The following PTPRN2 variants were observed in gnomAD, a reference collection of about 807,000 sequenced individuals.
The protein encoded by PTPRN2 is protein tyrosine phosphatase receptor type N2.
PTPRN2 carries 74 observed loss-of-function variants against 118.8 expected under a neutral mutation model. That is an observed-to-expected ratio of 0.62 (90% confidence interval 0.52 to 0.76). The LOEUF is 0.76. Among genes scored for constraint, PTPRN2 ranks in the 30% least tolerant of loss-of-function variants. The pLI is 0.00. For missense variants in PTPRN2, 1,481 were observed against 1,394.4 expected (o/e 1.06, Z -0.99); for synonymous variants, 641 against 608.0 (o/e 1.05, Z -0.80).
At chr7:157,791,143 T>C (rs1804465411) in intron 12 of PTPRN2, among the ~76,000 whole-genome samples, 1 of 152,214 alleles carries the variant, frequency 6.6e-6, no homozygotes, top group African/African-American at 2.4e-5. Flanking sequence ...TGGCATCGCC[T>C]GCAACAGCAA....
intron 2 of PTPRN2, among the ~76,000 whole-genome samples, chr7:158,346,357 A>G (rs1035473848): frequency 6.6e-6 from 1 of 152,166 alleles, no homozygotes; most frequent in Non-Finnish European, 1.5e-5. Flanking sequence ...AATTGTTTTC[A>G]GTTCCACATA....
chr7:157,666,514 AAC>A (rs200330001), intron 13 of PTPRN2, among the ~76,000 whole-genome samples: 23 of 129,672 alleles, frequency 1.8e-4, no homozygotes, highest in African/African-American at 2.8e-4. Context: ...AAAAAAAAAA[AAC>A]CCCACAGTAG....
At chr7:157,661,697 G>A (rs935775251) in intron 13 of PTPRN2, among the ~76,000 whole-genome samples, 1 of 152,228 alleles carries the variant, frequency 6.6e-6, no homozygotes, top group Non-Finnish European at 1.5e-5. Context: ...GCCGGGTCCT[G>A]GGTGGAGGAG....
At chr7:158,273,169 G>A (rs551487235) in intron 3 of PTPRN2, among the ~76,000 whole-genome samples, 25 of 152,286 alleles carry the variant, frequency 1.6e-4, no homozygotes, top group Admixed American at 5.2e-4. Context: ...GAGTGAGCTC[G>A]CAGGGGAGGA....
intron 12 of PTPRN2, among the ~76,000 whole-genome samples, chr7:157,708,599 G>A (rs1378365678): frequency 6.6e-6 from 1 of 152,114 alleles, no homozygotes; most frequent in Admixed American, 6.5e-5. Context: ...TGTCTGAGAT[G>A]ACCAGAACCA....
chr7:158,383,484 G>A (rs1021372216), intron 2 of PTPRN2, among the ~76,000 whole-genome samples: 7 of 152,138 alleles, frequency 4.6e-5, no homozygotes, highest in Non-Finnish European at 1.0e-4. Flanking sequence ...AGTTTAAAGT[G>A]CAGAGTTTTG....
chr7:158,031,773 T>C (rs183569208), intron 11 of PTPRN2, among the ~76,000 whole-genome samples: 30 of 152,290 alleles, frequency 2.0e-4, no homozygotes, highest in Non-Finnish European at 3.5e-4. Flanking sequence ...AAGTGACAGA[T>C]AAAGTCAGAA....
intron 12 of PTPRN2, among the ~76,000 whole-genome samples, chr7:157,823,722 T>C (rs1165559367): frequency 2.0e-5 from 3 of 152,200 alleles, no homozygotes; most frequent in Non-Finnish European, 4.4e-5. Flanking sequence ...TAGCATTCCT[T>C]TGAACTCTTC....
intron 12 of PTPRN2, among the ~76,000 whole-genome samples, chr7:157,749,715 G>C (rs1458457332): frequency 2.8e-5 from 4 of 142,514 alleles, no homozygotes; most frequent in African/African-American, 8.0e-5. Context: ...CTGTGTCCCT[G>C]AGCTGTGAGC....
At position 157,558,887 on chromosome 7, in the gene PTPRN2, G is replaced by A. The variant is rs528098454; in HGVS notation, c.2903-9868C>T. On this transcript the variant is annotated intron_variant, in intron 21 of 22. Coordinates refer to ENST00000389418, the MANE Select transcript of PTPRN2 (RefSeq NM_002847.5). ...GCCAGTTACGCATTGACTCAGTTCC[G>A]TGGCTTACAGTGCAAACACAGAGAC... 3.3e-5 allele frequency among the ~76,000 whole-genome samples: 5 copies of A among 152,348 alleles called. 1 individual carries two copies. The South Asian group carries it at 8.3e-4, about 25-fold the overall frequency.
intron 12 of PTPRN2, among the ~76,000 whole-genome samples, chr7:157,750,954 C>T (rs185372401): frequency 2.5e-3 from 376 of 152,320 alleles, no homozygotes; most frequent in African/African-American, 8.7e-3. Flanking sequence ...GCTGGTAGGC[C>T]GTGGAACCTT....
At chr7:157,733,843 C>CTT (rs763852532) in intron 12 of PTPRN2, among the ~76,000 whole-genome samples, 8 of 38,736 alleles carry the variant, frequency 2.1e-4, no homozygotes, top group Admixed American at 4.6e-4. Flanking sequence ...CACAGTTACT[C>CTT]TTCCGTCCCA....
intron 11 of PTPRN2, among the ~76,000 whole-genome samples, chr7:157,952,975 C>T (rs952442490): frequency 1.8e-4 from 28 of 152,126 alleles, no homozygotes; most frequent in African/African-American, 4.6e-4. Flanking sequence ...GTGAAGGGGA[C>T]GGCCTCCATT....
At chr7:158,315,148 C>A (rs67394537) in intron 3 of PTPRN2, among the ~76,000 whole-genome samples, 4 of 47,964 alleles carry the variant, frequency 8.3e-5, no homozygotes, top group Admixed American at 2.0e-4. Flanking sequence ...AACCCGGGAC[C>A]CCCTGAAGGA....
chr7:158,327,469 G>T (rs556174580), intron 2 of PTPRN2, among the ~76,000 whole-genome samples: 1 of 131,704 alleles, frequency 7.6e-6, no homozygotes, highest in African/African-American at 2.6e-5. Context: ...ACATGTACAC[G>T]TTCTCACACA....
intron 11 of PTPRN2, among the ~76,000 whole-genome samples, chr7:157,906,347 C>G (rs1408646828): frequency 6.6e-6 from 1 of 152,222 alleles, no homozygotes; most frequent in Non-Finnish European, 1.5e-5. Context: ...TAACATGAGG[C>G]CCACCTGGTC....
At chr7:157,688,752 C>A (rs756569189) in intron 12 of PTPRN2, among the ~76,000 whole-genome samples, 1 of 152,224 alleles carries the variant, frequency 6.6e-6, no homozygotes, top group Non-Finnish European at 1.5e-5. Flanking sequence ...TGTCAGAACC[C>A]CTCTGTGGCA....
chr7:158,144,657 G>A (rs1010129066), intron 6 of PTPRN2, among the ~76,000 whole-genome samples: 9 of 152,066 alleles, frequency 5.9e-5, no homozygotes, highest in African/African-American at 1.9e-4. Flanking sequence ...GGAAGGAGAA[G>A]GGGGACATCA....
chr7:157,766,555 A>G (rs182112026), intron 12 of PTPRN2, among the ~76,000 whole-genome samples: 6 of 152,376 alleles, frequency 3.9e-5, no homozygotes, highest in African/African-American at 1.2e-4. Flanking sequence ...AGAAAAAGCT[A>G]TTCTCAGAGC....
Sources: allele counts gnomAD v4.1 joint callset (sites outside exome capture counted in the v4.1 genomes callset), GRCh38; gene constraint gnomAD v4.1.1; transcripts MANE v1.5; gene names NCBI Gene and HGNC (gene_info 2026-07-23, HGNC 2026-07-21).